The following SLX4IP variants were observed in gnomAD, a reference collection of about 807,000 sequenced individuals.
SLX4IP encodes the protein protein SLX4IP.
A neutral mutation model predicts 32.9 loss-of-function variants in SLX4IP; 34 were observed. That is an observed-to-expected ratio of 1.03 (90% confidence interval 0.79 to 1.38). The LOEUF is 1.38. SLX4IP is among the 40% of genes most tolerant of loss of function. The pLI, the probability that SLX4IP is intolerant of heterozygous loss-of-function variation, is 0.00. For synonymous variants in SLX4IP, 172 were observed against 171.7 expected (o/e 1.00, Z -0.01); for missense variants, 444 against 479.0 (o/e 0.93, Z 0.68).
intron 2 of SLX4IP, among the ~76,000 whole-genome samples, chr20:10,498,969 G>T (rs2065693558): frequency 6.6e-6 from 1 of 151,954 alleles, no homozygotes; most frequent in South Asian, 2.1e-4. Context: ...TATCACTGAG[G>T]ATGATCACAA....
intron 4 of SLX4IP, among the ~76,000 whole-genome samples, chr20:10,590,173 G>A (rs890855802): frequency 6.6e-6 from 1 of 151,866 alleles, no homozygotes; most frequent in African/African-American, 2.4e-5. Flanking sequence ...TGAGAACATG[G>A]TATATTAATC....
chr20:10,606,695 A>G (rs1459559925), intron 6 of SLX4IP, among the ~76,000 whole-genome samples: 1 of 152,234 alleles, frequency 6.6e-6, no homozygotes. Context: ...TAAAGAAAAT[A>G]AAAACTAGCC....
intron 4 of SLX4IP, among the ~76,000 whole-genome samples, chr20:10,570,551 C>T (rs759663468): frequency 6.7e-5 from 10 of 150,020 alleles, no homozygotes; most frequent in Admixed American, 2.7e-4. Context: ...TTTTTTGAGG[C>T]GGAGTCTTGC....
At chr20:10,620,402 G>T (rs1234284115) in intron 6 of SLX4IP, among the ~76,000 whole-genome samples, 1 of 152,144 alleles carries the variant, frequency 6.6e-6, no homozygotes, top group East Asian at 1.9e-4. Flanking sequence ...AGGCTAGATA[G>T]GCAGATAATC....
intron 2 of SLX4IP, among the ~76,000 whole-genome samples, chr20:10,515,147 C>T (rs1341689665): frequency 7.9e-6 from 1 of 127,290 alleles, no homozygotes; most frequent in Non-Finnish European, 1.6e-5. Flanking sequence ...TGCAGTGGTG[C>T]AATCTCGACT....
At chr20:10,523,397 TG>T (rs1191964869) in intron 2 of SLX4IP, among the ~76,000 whole-genome samples, 1 of 152,236 alleles carries the variant, frequency 6.6e-6, no homozygotes, top group Non-Finnish European at 1.5e-5. Context: ...ATTATTAAAT[TG>T]CCTAAATTGT....
chr20:10,618,074 C>T (rs926565015), intron 6 of SLX4IP, among the ~76,000 whole-genome samples: 2 of 152,190 alleles, frequency 1.3e-5, no homozygotes, highest in Non-Finnish European at 2.9e-5. Flanking sequence ...ATGTGTTTCC[C>T]AGGTCAGCCC....
chr20:10,508,901 C>G (rs981506093), intron 2 of SLX4IP, among the ~76,000 whole-genome samples: 3 of 152,176 alleles, frequency 2.0e-5, no homozygotes, highest in Admixed American at 2.0e-4. Flanking sequence ...TCCCTGCAGA[C>G]CCTGGGGCCT....
intron 1 of SLX4IP, among the ~76,000 whole-genome samples, chr20:10,451,777 G>T (rs1389935019): frequency 6.6e-6 from 1 of 151,324 alleles, no homozygotes; most frequent in Non-Finnish European, 1.5e-5. Flanking sequence ...GAACAGCTTG[G>T]CCAATATGGT....
chr20:10,618,560 TGTTG>T (rs2067066095), intron 6 of SLX4IP, among the ~76,000 whole-genome samples: 1 of 152,214 alleles, frequency 6.6e-6, no homozygotes, highest in African/African-American at 2.4e-5. Flanking sequence ...TGGAAGATCC[TGTTG>T]GTTAATCTAA....
intron 4 of SLX4IP, among the ~76,000 whole-genome samples, chr20:10,585,434 A>G (rs1600130326): frequency 6.6e-6 from 1 of 152,088 alleles, no homozygotes; most frequent in Non-Finnish European, 1.5e-5. Context: ...CTCACTTGAC[A>G]TGCTCTGCCA....
intron 6 of SLX4IP, among the ~76,000 whole-genome samples, chr20:10,617,652 C>CTTTTTT (rs549525000): frequency 4.5e-4 from 51 of 112,744 alleles, no homozygotes; most frequent in Non-Finnish European, 6.2e-4. Flanking sequence ...TTCTTTCTTT[C>CTTTTTT]TTTTTTTTTT....
intron 4 of SLX4IP, among the ~76,000 whole-genome samples, chr20:10,568,694 C>A (rs1027239242): frequency 1.3e-5 from 2 of 152,144 alleles, no homozygotes; most frequent in Admixed American, 1.3e-4. Context: ...GGAGAAGTTC[C>A]AGAAACTTTC....
chr20:10,446,377 A>G (rs1177709463), intron 1 of SLX4IP, among the ~76,000 whole-genome samples: 1 of 150,282 alleles, frequency 6.7e-6, no homozygotes, highest in Non-Finnish European at 1.5e-5. Context: ...GGGCCACTGC[A>G]CTACAGCCTG....
chr20:10,520,481 G>T (rs777888056), intron 2 of SLX4IP, among the ~76,000 whole-genome samples: 21 of 152,136 alleles, frequency 1.4e-4, no homozygotes, highest in Non-Finnish European at 2.5e-4. Context: ...TTACTTTCTT[G>T]CTGGTGTGCT....
Position 10,627,042 on chromosome 20 carries a change from A to G in SLX4IP, c.*3663A>G, listed in dbSNP as rs2067180394. On this transcript the variant is annotated 3_prime_UTR_variant, in exon 8 of 8. Transcript: ENST00000334534. ...ACATAAGGGAAGGAAACCTCTGCTC[A>G]AGAGAGTGGCCTGGGATCACAGTGT... is the stretch of plus-strand genomic sequence containing the variant. 1.3e-5 allele frequency: 2 copies of G among 152,184 alleles called. No individual in the cohort carries two copies. The highest frequency in any genetic ancestry group is 2.9e-5 in the Non-Finnish European group (2 of 68,018). 9.4% of individuals were successfully genotyped at this position (152,184 alleles called of 1,614,324 possible).
rs182510394 is a variant in SLX4IP at position 10,485,819 on chromosome 20, G to T, written c.27+27588G>T. Among the ~76,000 whole-genome samples the T allele has an allele frequency of 1.8e-3, 279 of 152,202 alleles. 1 individual carries two copies. Among genetic ancestry groups the T allele is most frequent in the Non-Finnish European group, 3.5e-3 (237 of 68,006 alleles). On this transcript the variant is annotated intron_variant, in intron 2 of 7. Transcript: ENST00000334534. ...TATGCTTATTATTTAGTAAACTAGA[G>T]AAAAAAGGTTAAGAAGATCATAAGG...
intron 4 of SLX4IP, among the ~76,000 whole-genome samples, chr20:10,573,146 T>G (rs1045256124): frequency 5.3e-5 from 8 of 152,252 alleles, no homozygotes; most frequent in Non-Finnish European, 8.8e-5. Flanking sequence ...AGTGCAAATT[T>G]GTGTATGTGG....
chr20:10,437,543 A>G lies in SLX4IP; in HGVS notation c.-30+2090A>G, dbSNP rs75782859. 8.4e-4 allele frequency among the ~76,000 whole-genome samples: 128 copies of G among 152,332 alleles called. 1 individual carries two copies. The East Asian group carries it at 0.022, about 26-fold the overall frequency. On this transcript the variant is annotated intron_variant, in intron 1 of 7. Coordinates refer to ENST00000334534, the MANE Select transcript of SLX4IP (RefSeq NM_001009608.3). The stretch of plus-strand genomic sequence containing the variant: ...AATCGGGATTTTGAAAACCATGAAA[A>G]GATCTGGATTAAGAATGTAAGGAAC...
Sources: gnomAD v4.1 joint callset for allele counts (sites outside exome capture counted in the v4.1 genomes callset) on GRCh38, gnomAD v4.1.1 for gene constraint, MANE v1.5 for transcripts, NCBI Gene and HGNC (gene_info 2026-07-23, HGNC 2026-07-21) for gene names.